NAALADL2: variants seen among roughly 807,000 people sequenced by gnomAD.
NAALADL2 encodes the protein N-acetylated alpha-linked acidic dipeptidase like 2.
Under a neutral mutation model 87.2 loss-of-function variants are expected in NAALADL2, and 76 were observed. The ratio of observed to expected loss-of-function variants is 0.87; its 90% CI spans 0.72 to 1.05. The LOEUF (loss-of-function observed/expected upper bound fraction) is 1.05, where lower values mean the gene tolerates loss of function less well. Ranked by LOEUF, NAALADL2 falls within the 50% of genes least tolerant of loss-of-function variation. The pLI is 0.00. For missense variants in NAALADL2, 1,089 were observed against 945.8 expected, an observed-to-expected ratio of 1.15 and a Z score of -1.99; for synonymous variants, 354 against 331.0, an observed-to-expected ratio of 1.07 and a Z score of -0.75.
At chr3:174,804,750 A>G (rs965282228) in intron 3 of NAALADL2, among the ~76,000 whole-genome samples, 5 of 152,174 alleles carry the variant, frequency 3.3e-5, no homozygotes, top group Non-Finnish European at 7.3e-5. Flanking sequence ...TCTAAAATCT[A>G]TACAGTAAAA....
chr3:174,863,853 A>C, intron 1 of NAALADL2: 1 of 305,382 alleles, frequency 3.3e-6, no homozygotes, highest in South Asian at 2.7e-5. Context: ...ACAGAAGTGC[A>C]AGGAGCTCCT....
intron 1 of NAALADL2, among the ~76,000 whole-genome samples, chr3:174,512,721 C>T (rs1719678403): frequency 6.6e-6 from 1 of 152,004 alleles, no homozygotes; most frequent in South Asian, 2.1e-4. Flanking sequence ...GTGTGGCTTC[C>T]TTCTTTCTCT....
At chr3:175,223,875 G>A (rs1484668907) in intron 2 of NAALADL2, among the ~76,000 whole-genome samples, 1 of 152,150 alleles carries the variant, frequency 6.6e-6, no homozygotes, top group Non-Finnish European at 1.5e-5. Flanking sequence ...ATTTGTAAAT[G>A]TCTGGAGGTA....
intron 4 of NAALADL2, among the ~76,000 whole-genome samples, chr3:175,309,479 C>A (rs1226105648): frequency 6.6e-6 from 1 of 151,940 alleles, no homozygotes; most frequent in African/African-American, 2.4e-5. Context: ...AGCCACTGTG[C>A]CCAGCCCATT....
intron 4 of NAALADL2, among the ~76,000 whole-genome samples, chr3:175,288,735 C>A (rs1755283958): frequency 6.6e-6 from 1 of 152,162 alleles, no homozygotes; most frequent in African/African-American, 2.4e-5. Context: ...AATATTACCC[C>A]TGAATATAAC....
At chr3:175,322,740 C>G (rs1357537615) in intron 4 of NAALADL2, among the ~76,000 whole-genome samples, 1 of 148,100 alleles carries the variant, frequency 6.8e-6, no homozygotes, top group Non-Finnish European at 1.5e-5. Flanking sequence ...TGAAAAAATG[C>G]TCATCATCAC....
intron 3 of NAALADL2, among the ~76,000 whole-genome samples, chr3:174,803,985 G>GT (rs1719158058): frequency 1.3e-5 from 2 of 152,108 alleles, no homozygotes; most frequent in Non-Finnish European, 2.9e-5. Flanking sequence ...CTTTAAAGTA[G>GT]TTTTTTCTAA....
At chr3:175,632,641 T>C (rs1425624665) in intron 11 of NAALADL2, among the ~76,000 whole-genome samples, 1 of 152,018 alleles carries the variant, frequency 6.6e-6, no homozygotes, top group African/African-American at 2.4e-5. Context: ...TCAAAGATAA[T>C]TTTAATAGTT....
chr3:175,226,325 A>G (rs1446829820), intron 2 of NAALADL2, among the ~76,000 whole-genome samples: 2 of 152,128 alleles, frequency 1.3e-5, no homozygotes, highest in African/African-American at 4.8e-5. Context: ...ACATTGCTAC[A>G]TTAATTTCCC....
intron 1 of NAALADL2, among the ~76,000 whole-genome samples, chr3:175,069,675 G>A (rs1336104280): frequency 6.6e-6 from 1 of 151,700 alleles, no homozygotes; most frequent in Non-Finnish European, 1.5e-5. Flanking sequence ...TATACCCAAA[G>A]GACTATAAAT....
At chr3:174,980,203 C>T (rs1191726933) in intron 1 of NAALADL2, among the ~76,000 whole-genome samples, 1 of 152,218 alleles carries the variant, frequency 6.6e-6, no homozygotes, top group Non-Finnish European at 1.5e-5. Context: ...TTATCTGCCT[C>T]TTCAGCAGAT....
intron 1 of NAALADL2, among the ~76,000 whole-genome samples, chr3:174,464,983 A>G (rs540173765): frequency 6.6e-6 from 1 of 152,214 alleles, no homozygotes; most frequent in South Asian, 2.1e-4. Flanking sequence ...CAGATGGTTT[A>G]TATATAAAGG....
At chr3:175,076,718 T>G (rs539195726) in intron 1 of NAALADL2, among the ~76,000 whole-genome samples, 1 of 152,304 alleles carries the variant, frequency 6.6e-6, no homozygotes, top group African/African-American at 2.4e-5. Flanking sequence ...GGTTGTAAGT[T>G]GGAATGTAGT....
intron 5 of NAALADL2, among the ~76,000 whole-genome samples, chr3:175,421,372 C>T (rs557280824): frequency 5.3e-5 from 8 of 152,150 alleles, no homozygotes; most frequent in South Asian, 2.1e-4. Context: ...CCTTGTGAAT[C>T]GTAATTCTGG....
At chr3:175,354,940 A>G (rs1560418799) in intron 5 of NAALADL2, among the ~76,000 whole-genome samples, 1 of 150,024 alleles carries the variant, frequency 6.7e-6, no homozygotes, top group South Asian at 2.1e-4. Context: ...ATGTGTATAT[A>G]TATAATTTGT....
intron 5 of NAALADL2, among the ~76,000 whole-genome samples, chr3:175,429,635 C>A (rs2046977340): frequency 6.6e-6 from 1 of 152,004 alleles, no homozygotes. Context: ...CTTATGGAAA[C>A]CTTCGCACAT....
chr3:174,703,225 G>A lies in NAALADL2; in HGVS notation c.-114-34416G>A, dbSNP rs891206902. Among the ~76,000 whole-genome samples the A allele has an allele frequency of 7.9e-5, 12 of 151,688 alleles. No homozygotes were observed. In the South Asian group the frequency reaches 1.3e-3, roughly 16 times the overall value. On this transcript the variant is annotated intron_variant, in intron 2 of 3. Coordinates refer to the NAALADL2 transcript ENST00000434257. ...TGTGATCTTGGCTCATTGTAGCTTC[G>A]GCCTGCTGGGCTCAAGTGATCCTTC... is the stretch of plus-strand genomic sequence containing the variant.
At chr3:175,460,888 T>C (rs1723016772) in intron 6 of NAALADL2, among the ~76,000 whole-genome samples, 1 of 152,186 alleles carries the variant, frequency 6.6e-6, no homozygotes, top group Non-Finnish European at 1.5e-5. Context: ...AGAATAAAGC[T>C]TCCACAGTGT....
intron 2 of NAALADL2, among the ~76,000 whole-genome samples, chr3:174,712,380 CTT>C (rs1169827021): frequency 8.5e-5 from 6 of 70,448 alleles, no homozygotes; most frequent in East Asian, 8.7e-4. Flanking sequence ...TTCTCCTCTT[CTT>C]TTTTTTTTTT....
Sources: allele counts gnomAD v4.1 joint callset (sites outside exome capture counted in the v4.1 genomes callset), GRCh38; gene constraint gnomAD v4.1.1; transcripts MANE v1.5; gene names NCBI Gene and HGNC (gene_info 2026-07-23, HGNC 2026-07-21).